Variants in DNAH11 observed in about 807,000 individuals in gnomAD.
DNAH11 encodes the protein dynein axonemal heavy chain 11.
In DNAH11, 442 loss-of-function variants were observed where a neutral mutation model predicts 526.0. The ratio of observed to expected loss-of-function variants is 0.84; its 90% CI spans 0.78 to 0.91. The LOEUF is 0.91. DNAH11 is among the 40% of genes least tolerant of loss of function. DNAH11 has a pLI of 0.00. For synonymous variants in DNAH11, 2,461 were observed against 1,935.9 expected, an observed-to-expected ratio of 1.27 and a Z score of -7.12; for missense variants, 6,989 against 5,448.7, an observed-to-expected ratio of 1.28 and a Z score of -8.90.
chr7:21,726,471 CTTTTT>C (rs34691664), intron 45 of DNAH11, among the ~76,000 whole-genome samples: 1 of 150,158 alleles, frequency 6.7e-6, no homozygotes, highest in Admixed American at 6.6e-5. Context: ...AAAAAAAAGT[CTTTTT>C]TTTTTCTTTC....
chr7:21,712,820 C>G (rs777960683), intron 42 of DNAH11, among the ~76,000 whole-genome samples: 3 of 152,144 alleles, frequency 2.0e-5, no homozygotes, highest in Non-Finnish European at 4.4e-5. Context: ...ACATTTAAGG[C>G]TAACTAATTA....
At chr7:21,891,648 T>C (rs540826200) in intron 76 of DNAH11, among the ~76,000 whole-genome samples, 3 of 152,176 alleles carry the variant, frequency 2.0e-5, no homozygotes, top group Non-Finnish European at 4.4e-5. Context: ...ATTGAATGTC[T>C]ACCCTCTTGC....
At chr7:21,618,509 A>G (rs756790636) in intron 23 of DNAH11, 5 of 155,528 alleles carry the variant, frequency 3.2e-5, no homozygotes, top group Non-Finnish European at 5.7e-5. Flanking sequence ...CAAGGACCCA[A>G]TATAGGGGAG....
At chr7:21,664,641 T>G (rs1782358024) in intron 30 of DNAH11, among the ~76,000 whole-genome samples, 1 of 151,976 alleles carries the variant, frequency 6.6e-6, no homozygotes, top group Admixed American at 6.6e-5. Context: ...GTTTTTTTCT[T>G]ATGGAGAGGT....
At chr7:21,873,079 A>C (rs953469718) in intron 73 of DNAH11, among the ~76,000 whole-genome samples, 195 bp from the exon 74 acceptor site, 1 of 148,860 alleles carries the variant, frequency 6.7e-6, no homozygotes, top group Non-Finnish European at 1.5e-5. Context: ...TCAAGGTTCA[A>C]TTCCCTTTTG....
chr7:21,732,141 C>G (rs892420001), intron 45 of DNAH11, among the ~76,000 whole-genome samples: 8 of 152,186 alleles, frequency 5.3e-5, no homozygotes, highest in Non-Finnish European at 1.2e-4. Context: ...GACTGGGCAA[C>G]TTCAACCACA....
At chr7:21,892,323 T>A (rs756242385) in intron 76 of DNAH11, 102 bp from the exon 77 acceptor site, 3 of 1,485,746 alleles carry the variant, frequency 2.0e-6, no homozygotes, top group Non-Finnish European at 2.7e-6. Context: ...CAGACAGCAT[T>A]GTGCTGGAGC....
intron 2 of DNAH11, among the ~76,000 whole-genome samples, chr7:21,555,359 G>C (rs893599641): frequency 2.0e-5 from 3 of 152,202 alleles, no homozygotes. Context: ...CTATCTGGGG[G>C]AATGTCAGAG....
intron 28 of DNAH11, among the ~76,000 whole-genome samples, chr7:21,644,055 A>G (rs995494078): frequency 6.6e-6 from 1 of 152,132 alleles, no homozygotes; most frequent in African/African-American, 2.4e-5. Context: ...ATCTGCACCA[A>G]TCTACACACA....
chr7:21,600,660 T>C lies in DNAH11; in HGVS notation c.3001-16T>C. The stretch of plus-strand genomic sequence containing the variant: ...GTTGGTTTGAATAGTAAGTGCTGTG[T>C]TTTCCTCTCATTTAGAATGATATGG... On this transcript the variant is annotated splice_polypyrimidine_tract_variant and intron_variant, in intron 15 of 81. Transcript: ENST00000409508. The C allele has an allele frequency of 6.3e-7, 1 of 1,583,576 alleles. No homozygotes were observed. Among genetic ancestry groups the C allele is most frequent in the Non-Finnish European group, 8.6e-7 (1 of 1,163,286 alleles).
rs117251805 is a variant in DNAH11 at position 21,673,801 on chromosome 7, C to A, written c.5329-7745C>A. Among the ~76,000 whole-genome samples the A allele has an allele frequency of 8.0e-3, 1,214 of 152,208 alleles. 41 individuals are homozygous for A. In the South Asian group the frequency reaches 0.086, roughly 11 times the overall value. On this transcript the variant is annotated intron_variant, in intron 30 of 81. Coordinates refer to ENST00000409508, the MANE Select transcript of DNAH11 (RefSeq NM_001277115.2). ...GACCTATACTTGCTCTTTCCTTTTTCTCATCACCACAACCTATTTCTACCA... is the reference window on the plus strand; with the variant it reads ...GACCTATACTTGCTCTTTCCTTTTTATCATCACCACAACCTATTTCTACCA...
At chr7:21,663,107 A>T (rs1411870412) in intron 30 of DNAH11, among the ~76,000 whole-genome samples, 3 of 152,090 alleles carry the variant, frequency 2.0e-5, no homozygotes, top group Non-Finnish European at 4.4e-5. Flanking sequence ...TGTTTCACTG[A>T]TGATAATGAC....
At chr7:21,619,763 C>G (rs1048415352) in intron 24 of DNAH11, among the ~76,000 whole-genome samples, 193 bp from the exon 25 acceptor site, 1 of 152,112 alleles carries the variant, frequency 6.6e-6, no homozygotes, top group Non-Finnish European at 1.5e-5. Flanking sequence ...GTGTGATGCT[C>G]ATACCTTTGA....
chr7:21,568,945 G>A (rs183376672), intron 6 of DNAH11, among the ~76,000 whole-genome samples: 232 of 152,278 alleles, frequency 1.5e-3, no homozygotes, highest in African/African-American at 5.4e-3. Flanking sequence ...TCTCTTCACT[G>A]CCCTGAATGA....
chr7:21,776,226 A>G (rs1414993559), intron 56 of DNAH11, among the ~76,000 whole-genome samples: 1 of 152,202 alleles, frequency 6.6e-6, no homozygotes, highest in Non-Finnish European at 1.5e-5. Context: ...TAAAGACACA[A>G]GACATCTTGA....
chr7:21,724,763 T>C (rs1785019976), intron 44 of DNAH11, among the ~76,000 whole-genome samples: 3 of 151,104 alleles, frequency 2.0e-5, no homozygotes, highest in South Asian at 4.2e-4. Flanking sequence ...CAGGTCATCC[T>C]ATGAATATAG....
intron 5 of DNAH11, 121 bp from the exon 6 acceptor site, chr7:21,564,065 C>A (rs1583484547): frequency 9.5e-6 from 6 of 630,738 alleles, no homozygotes; most frequent in South Asian, 6.0e-5. Flanking sequence ...ATAAAAGGAA[C>A]TATGACAACA....
intron 20 of DNAH11, among the ~76,000 whole-genome samples, chr7:21,610,126 C>T (rs181171269): frequency 9.9e-5 from 15 of 152,138 alleles, no homozygotes; most frequent in African/African-American, 2.9e-4. Flanking sequence ...TGGTGGCAGG[C>T]GCTTGTAGTC....
At position 21,625,465 on chromosome 7, in the gene DNAH11, A is replaced by G. The variant is rs144122375; in HGVS notation, c.4500+5387A>G. Among the ~76,000 whole-genome samples the G allele has an allele frequency of 1.6e-3, 241 of 151,964 alleles. 2 individuals are homozygous for G. Among genetic ancestry groups the G allele is most frequent in the African/African-American group, 5.6e-3 (233 of 41,470 alleles). ...ATTCAAAAAACCAATTCTTCATTCCATTGGTCGTTTTGTTGTCTTTGTAGT... is the reference window on the plus strand; with the variant it reads ...ATTCAAAAAACCAATTCTTCATTCCGTTGGTCGTTTTGTTGTCTTTGTAGT... On this transcript the variant is annotated intron_variant, in intron 25 of 81. Transcript: ENST00000409508.
Sources: gnomAD v4.1 joint callset for allele counts (sites outside exome capture counted in the v4.1 genomes callset) on GRCh38, gnomAD v4.1.1 for gene constraint, MANE v1.5 for transcripts, NCBI Gene and HGNC (gene_info 2026-07-23, HGNC 2026-07-21) for gene names.